The following LYRM1 variants were observed in gnomAD, a reference collection of about 807,000 sequenced individuals.
LYRM1 encodes the protein LYR motif containing 1.
A neutral mutation model predicts 14.9 loss-of-function variants in LYRM1; 14 were observed. That is an observed-to-expected ratio of 0.94 (90% CI 0.62 to 1.47). LYRM1 has a LOEUF of 1.47. Ranked by LOEUF, LYRM1 falls within the 40% of genes most tolerant of loss-of-function variation. The probability of loss-of-function intolerance (pLI) is 0.00; values close to 1 mark genes in which losing one functional copy is unlikely to be tolerated. For missense variants in LYRM1, 153 were observed against 149.9 expected, an observed-to-expected ratio of 1.02 and a Z score of -0.11; for synonymous variants, 43 against 56.2, an observed-to-expected ratio of 0.77 and a Z score of 1.05.
At chr16:20,922,913 G>A (rs1002167133) in intron 3 of LYRM1, among the ~76,000 whole-genome samples, 1 of 152,070 alleles carries the variant, frequency 6.6e-6, no homozygotes, top group African/African-American at 2.4e-5. Flanking sequence ...GAGTCCACAG[G>A]CCTGAGAACC....
chr16:20,917,752 T>A (rs1479710457), intron 2 of LYRM1, among the ~76,000 whole-genome samples: 1 of 152,124 alleles, frequency 6.6e-6, no homozygotes, highest in African/African-American at 2.4e-5. Flanking sequence ...AGGAAGACTC[T>A]GTCACCAAAA....
chr16:20,912,757 C>A (rs944082966), intron 1 of LYRM1, among the ~76,000 whole-genome samples: 1 of 151,734 alleles, frequency 6.6e-6, no homozygotes, highest in Admixed American at 6.6e-5. Flanking sequence ...GCAGAACTTA[C>A]CTATAAACTT....
intron 1 of LYRM1, among the ~76,000 whole-genome samples, chr16:20,914,455 ATTTTTTT>A (rs35172104): frequency 1.5e-5 from 2 of 132,226 alleles, no homozygotes; most frequent in Admixed American, 1.5e-4. Flanking sequence ...CACCTGGCTA[ATTTTTTT>A]TTTTTTTTTT....
intron 1 of LYRM1, among the ~76,000 whole-genome samples, chr16:20,912,057 C>G (rs2082620442): frequency 2.0e-5 from 3 of 152,106 alleles, no homozygotes; most frequent in Non-Finnish European, 4.4e-5. Flanking sequence ...ACCTCAGCCT[C>G]CCAAGTAGCT....
chr16:20,907,926 G>A (rs2082402987), intron 1 of LYRM1, among the ~76,000 whole-genome samples: 1 of 152,174 alleles, frequency 6.6e-6, no homozygotes, highest in Non-Finnish European at 1.5e-5. Context: ...AGCTCAAGGA[G>A]GGTAGGGACC....
At chr16:20,905,964 T>A (rs2082299724) in intron 1 of LYRM1, among the ~76,000 whole-genome samples, 1 of 152,220 alleles carries the variant, frequency 6.6e-6, no homozygotes, top group African/African-American at 2.4e-5. Flanking sequence ...GAACATACGT[T>A]ATCAATGACC....
chr16:20,906,659 G>A (rs2082335362), intron 1 of LYRM1, among the ~76,000 whole-genome samples: 1 of 152,194 alleles, frequency 6.6e-6, no homozygotes, highest in Non-Finnish European at 1.5e-5. Context: ...ACATTCCTGA[G>A]ACCAGAGTCA....
intron 1 of LYRM1, among the ~76,000 whole-genome samples, chr16:20,905,475 C>T (rs2082275469): frequency 6.6e-6 from 1 of 152,180 alleles, no homozygotes; most frequent in African/African-American, 2.4e-5. Context: ...CTATACAGGG[C>T]AAGAACATCT....
At chr16:20,902,162 C>T (rs941303823) in intron 1 of LYRM1, among the ~76,000 whole-genome samples, 3 of 152,134 alleles carry the variant, frequency 2.0e-5, no homozygotes, top group Non-Finnish European at 4.4e-5. Context: ...GAATTCCATT[C>T]AGCATATATT....
At chr16:20,917,935 C>T (rs951759603) in intron 2 of LYRM1, among the ~76,000 whole-genome samples, 2 of 151,648 alleles carry the variant, frequency 1.3e-5, no homozygotes, top group Non-Finnish European at 2.9e-5. Context: ...CCCAAGGGAC[C>T]TCCTTGTGGT....
chr16:20,915,586 G>C lies in LYRM1; in HGVS notation c.31G>C (p.Gly11Arg). The C allele has an allele frequency of 6.2e-7, 1 of 1,614,006 alleles. No homozygotes were observed. The highest frequency in any genetic ancestry group is 8.5e-7 in the Non-Finnish European group (1 of 1,179,988). Residue 11 changes from glycine (G) to arginine (R), a missense_variant, in exon 2 of 4, where the codon GGC becomes CGC. By Grantham distance (125) the Gly-to-Arg change is moderately radical. Transcript: ENST00000567954. ...AACGGCAACACGACAAGAAGTCCTTGGCCTCTACCGCAGCATTTTCAGGCT... is the reference window on the plus strand; with the variant it reads ...AACGGCAACACGACAAGAAGTCCTTCGCCTCTACCGCAGCATTTTCAGGCT... MTTATRQEVL[G>R]LYRSIFRLAR...
chr16:20,914,279 T>A (rs982971994), intron 1 of LYRM1, among the ~76,000 whole-genome samples: 1 of 18,160 alleles, frequency 5.5e-5, no homozygotes, highest in South Asian at 1.9e-3. Flanking sequence ...AGTCGTCACT[T>A]TTTTTTTTTT....
rs966297366 is a variant in LYRM1, at chr16:20,924,293, T to C, written c.*177T>C. 1.8e-6 allele frequency: 1 copy of C among 554,390 alleles called. No individual in the cohort carries two copies. The allele number at this position is 554,390 out of a possible 1,614,324, so 34.3% of individuals were successfully genotyped here. A position where few individuals can be genotyped will look rare whatever the true frequency, so the allele number is the denominator to read the frequency against. On this transcript the variant is annotated 3_prime_UTR_variant, in exon 4 of 4. Coordinates refer to ENST00000567954, the MANE Select transcript of LYRM1 (RefSeq NM_001128302.3). Reference sequence around the variant, plus strand: ...TCCCTAGAGTTTCTCAGCATCTTTCTTCCTGAGTGGATGGCATTATCCCTA... The same window carrying C: ...TCCCTAGAGTTTCTCAGCATCTTTCCTCCTGAGTGGATGGCATTATCCCTA...
intron 3 of LYRM1, 187 bp downstream of exon 3, chr16:20,920,401 A>G (rs541299808): frequency 6.1e-5 from 37 of 608,590 alleles, no homozygotes; most frequent in East Asian, 3.1e-4. Flanking sequence ...CAATGAATGC[A>G]TGACGTATCC....
intron 1 of LYRM1, among the ~76,000 whole-genome samples, chr16:20,914,881 T>C (rs903953687): frequency 1.4e-4 from 21 of 152,200 alleles, no homozygotes; most frequent in African/African-American, 4.3e-4. Context: ...TAAATTCCAT[T>C]TCTCCCTTAA....
chr16:20,918,519 T>G (rs1455303505), intron 2 of LYRM1, among the ~76,000 whole-genome samples: 1 of 152,162 alleles, frequency 6.6e-6, no homozygotes, highest in Non-Finnish European at 1.5e-5. Flanking sequence ...TTAACATTAG[T>G]ATAAGTAGTA....
chr16:20,921,006 TAATA>T (rs1219641868), intron 3 of LYRM1, among the ~76,000 whole-genome samples: 5 of 151,758 alleles, frequency 3.3e-5, no homozygotes, highest in African/African-American at 9.7e-5. Context: ...GAATTTAAAA[TAATA>T]AATGTATATA....
intron 1 of LYRM1, among the ~76,000 whole-genome samples, chr16:20,912,639 A>T (rs186639841): frequency 6.6e-6 from 1 of 152,310 alleles, no homozygotes; most frequent in East Asian, 1.9e-4. Context: ...GTACATTGGG[A>T]TATCTTCATA....
At chr16:20,900,199 C>T (rs1457600864), upstream of LYRM1, 1 of 143,484 alleles carries the variant, frequency 7.0e-6, no homozygotes, top group Admixed American at 7.1e-5. Context: ...CTCCCCAAAA[C>T]TCACAGCTGC....
Sources: gnomAD v4.1 joint callset for allele counts (sites outside exome capture counted in the v4.1 genomes callset) on GRCh38, gnomAD v4.1.1 for gene constraint, MANE v1.5 for transcripts, NCBI Gene and HGNC (gene_info 2026-07-23, HGNC 2026-07-21) for gene names.